The following SEC24B variants were observed in gnomAD, a reference collection of about 807,000 sequenced individuals.
SEC24B encodes SEC24 homolog B, COPII component, also known as protein transport protein Sec24B.
In SEC24B, 45 loss-of-function variants were observed where a neutral mutation model predicts 142.8. The ratio of observed to expected loss-of-function variants is 0.32; its 90% CI spans 0.25 to 0.40. The LOEUF (loss-of-function observed/expected upper bound fraction) is 0.40. Ranked by LOEUF, SEC24B falls within the 10% of genes least tolerant of loss-of-function variation. The probability of loss-of-function intolerance (pLI) is 1.00; values close to 1 mark genes in which losing one functional copy is unlikely to be tolerated. For synonymous variants in SEC24B, 574 were observed against 568.2 expected, an observed-to-expected ratio of 1.01 and a Z score of -0.15; for missense variants, 1,409 against 1,526.8, an observed-to-expected ratio of 0.92 and a Z score of 1.29.
At chr4:109,497,570 A>G (rs1335185517) in intron 6 of SEC24B, among the ~76,000 whole-genome samples, 1 of 143,618 alleles carries the variant, frequency 7.0e-6, no homozygotes, top group Non-Finnish European at 1.5e-5. Flanking sequence ...TTTTTTTTTT[A>G]CATAATTGGA....
intron 3 of SEC24B, among the ~76,000 whole-genome samples, chr4:109,475,990 CT>C (rs35172512): frequency 0.27 from 35,924 of 134,438 alleles, 6,837 homozygotes; most frequent in African/African-American, 0.63. Flanking sequence ...TTCTCTCTCT[CT>C]TTTTTTTTTT....
At chr4:109,507,057 C>G (rs1736763509) in intron 7 of SEC24B, among the ~76,000 whole-genome samples, 1 of 152,148 alleles carries the variant, frequency 6.6e-6, no homozygotes, top group Admixed American at 6.5e-5. Flanking sequence ...GCAGACTGCA[C>G]TGGCAACCAC....
chr4:109,503,742 T>C (rs536105324), intron 6 of SEC24B, among the ~76,000 whole-genome samples: 15 of 152,154 alleles, frequency 9.9e-5, no homozygotes, highest in Non-Finnish European at 1.5e-4. Flanking sequence ...AGGAAAGTAT[T>C]CTAGCTGGTT....
intron 5 of SEC24B, among the ~76,000 whole-genome samples, chr4:109,492,633 G>A (rs566415347): frequency 6.6e-6 from 1 of 152,310 alleles, no homozygotes; most frequent in Non-Finnish European, 1.5e-5. Flanking sequence ...AACTACGTGA[G>A]CATCTGTAGC....
chr4:109,511,977 A>T lies in SEC24B; in HGVS notation c.1797A>T (p.Ser599=). ...CCTAGCAATTACCAGTGATAACATCAAATACCATTGTGAGGTGCCGATCCT... is the reference window on the plus strand; with the variant it reads ...CCTAGCAATTACCAGTGATAACATCTAATACCATTGTGAGGTGCCGATCCT... The part of the protein sequence containing the change: ...RDLTQLPVIT[S]NTIVRCRSCR... Residue 599 remains serine (S), a synonymous_variant, in exon 9 of 24, where the codon TCA becomes TCT. Transcript: ENST00000265175. 1 of 1,613,594 alleles carries T rather than the reference A, an allele frequency of 6.2e-7. No individual in the cohort carries two copies.
chr4:109,441,465 T>C (rs1240169232), intron 1 of SEC24B, among the ~76,000 whole-genome samples: 1 of 152,174 alleles, frequency 6.6e-6, no homozygotes, highest in Non-Finnish European at 1.5e-5. Flanking sequence ...GGGCCTCACT[T>C]TGTCACCCAG....
intron 18 of SEC24B, among the ~76,000 whole-genome samples, chr4:109,529,167 G>A (rs1343004916): frequency 1.3e-5 from 2 of 151,890 alleles, no homozygotes; most frequent in African/African-American, 2.4e-5. Flanking sequence ...TGTCTCGGGG[G>A]TGGGGGGAAA....
rs374064649 is a variant in SEC24B at position 109,522,962 on chromosome 4, G to A, written c.2508+1336G>A. On this transcript the variant is annotated intron_variant, in intron 14 of 23. Coordinates refer to ENST00000265175, the MANE Select transcript of SEC24B (RefSeq NM_006323.5). ...TTGCCCAGGCTGGCCTCAAACTGCCGAGATCAAGCAATACCCCTACCTCAG... is the reference window on the plus strand; with the variant it reads ...TTGCCCAGGCTGGCCTCAAACTGCCAAGATCAAGCAATACCCCTACCTCAG... Among the ~76,000 whole-genome samples, 41 of 152,164 alleles carry A rather than the reference G, an allele frequency of 2.7e-4. No individual in the cohort carries two copies. The East Asian group carries it at 4.8e-3, about 18-fold the overall frequency.
At chr4:109,442,692 A>G (rs971710401) in intron 1 of SEC24B, among the ~76,000 whole-genome samples, 22 of 152,290 alleles carry the variant, frequency 1.4e-4, no homozygotes, top group African/African-American at 5.3e-4. Context: ...GGGAGGGGGA[A>G]TGATCATGCT....
At chr4:109,443,213 T>A (rs1449302699) in intron 1 of SEC24B, among the ~76,000 whole-genome samples, 1 of 152,206 alleles carries the variant, frequency 6.6e-6, no homozygotes, top group Non-Finnish European at 1.5e-5. Flanking sequence ...AGTATTAATC[T>A]TCTGCCACCA....
intron 18 of SEC24B, 24 bp downstream of exon 18, chr4:109,527,456 G>A: frequency 6.7e-7 from 1 of 1,495,004 alleles, no homozygotes. Flanking sequence ...GAAGGAACAT[G>A]TGAAATGTAT....
intron 22 of SEC24B, among the ~76,000 whole-genome samples, chr4:109,536,078 A>ATT (rs70954161): frequency 1.3e-5 from 2 of 151,558 alleles, no homozygotes; most frequent in Middle Eastern, 3.2e-3. Context: ...TCATTGTTTG[A>ATT]TTTTTTTTTA....
chr4:109,468,799 T>G (rs1039119698), intron 2 of SEC24B, among the ~76,000 whole-genome samples: 16 of 152,348 alleles, frequency 1.1e-4, no homozygotes, highest in Non-Finnish European at 1.9e-4. Flanking sequence ...AATTTCTAGC[T>G]TGAACAACTT....
At chr4:109,445,351 C>T (rs1319398053) in intron 1 of SEC24B, among the ~76,000 whole-genome samples, 1 of 143,240 alleles carries the variant, frequency 7.0e-6, no homozygotes, top group Non-Finnish European at 1.5e-5. Flanking sequence ...TCACACCATT[C>T]TCCTGCCTCA....
At position 109,526,341 on chromosome 4, in the gene SEC24B, T is replaced by A. The variant is rs1724222709; in HGVS notation, c.2907T>A (p.Ser969Arg). The stretch of plus-strand genomic sequence containing the variant: ...CGGTGCAGTTGTCAATTGAAGAAAG[T>A]TTAACAGATACTTCCTTAGTATGTT... ...GFAVQLSIEESLTDTSLVCFQ... is the reference protein window; with the variant it reads ...GFAVQLSIEERLTDTSLVCFQ... The change falls in exon 17 of 24, where the codon AGT (serine) becomes AGA (arginine). Residue 969 changes from serine to arginine, a missense_variant. By Grantham distance (110) the Ser-to-Arg change is moderately radical. Transcript: ENST00000265175. 1 of 1,613,842 alleles carries A rather than the reference T, an allele frequency of 6.2e-7. No individual in the cohort carries two copies. The highest frequency in any genetic ancestry group is 1.7e-5 in the Admixed American group (1 of 59,980).
chr4:109,438,747 C>G (rs1170263909), intron 1 of SEC24B, among the ~76,000 whole-genome samples: 1 of 152,138 alleles, frequency 6.6e-6, no homozygotes, highest in African/African-American at 2.4e-5. Context: ...TCCACTTATT[C>G]GAAGATACAG....
intron 3 of SEC24B, among the ~76,000 whole-genome samples, chr4:109,479,030 G>T (rs1017429452): frequency 2.0e-5 from 3 of 152,188 alleles, no homozygotes; most frequent in African/African-American, 4.8e-5. Flanking sequence ...AGATTAGTTT[G>T]ATTTATTCGT....
chr4:109,489,647 T>G (rs1285897034), intron 4 of SEC24B, among the ~76,000 whole-genome samples: 1 of 147,848 alleles, frequency 6.8e-6, no homozygotes, highest in Non-Finnish European at 1.5e-5. Context: ...ATATATGATA[T>G]ATATGGTATA....
At chr4:109,444,728 T>C (rs767218504) in intron 1 of SEC24B, among the ~76,000 whole-genome samples, 4 of 152,108 alleles carry the variant, frequency 2.6e-5, no homozygotes, top group African/African-American at 4.8e-5. Context: ...GCACATGATA[T>C]ATCAGTCAGG....
Sources: allele counts gnomAD v4.1 joint callset (sites outside exome capture counted in the v4.1 genomes callset), GRCh38; gene constraint gnomAD v4.1.1; transcripts MANE v1.5; gene names NCBI Gene and HGNC (gene_info 2026-07-23, HGNC 2026-07-21).